The following STK32B variants were observed in gnomAD, a reference collection of about 807,000 sequenced individuals.
STK32B encodes serine/threonine kinase 32B, also known as serine/threonine-protein kinase 32B.
Under a neutral mutation model 52.6 loss-of-function variants are expected in STK32B, and 43 were observed. The ratio of observed to expected loss-of-function variants is 0.82; its 90% CI spans 0.64 to 1.05. STK32B has a LOEUF of 1.05. Among genes scored for constraint, STK32B ranks in the 50% least tolerant of loss-of-function variants. The pLI is 0.00. For synonymous variants in STK32B, 238 were observed against 204.3 expected, an observed-to-expected ratio of 1.17 and a Z score of -1.41; for missense variants, 621 against 534.6, an observed-to-expected ratio of 1.16 and a Z score of -1.59.
At chr4:5,409,707 CGAAAGAGCTCAGT>C (rs2109061392) in intron 5 of STK32B, among the ~76,000 whole-genome samples, 1 of 152,188 alleles carries the variant, frequency 6.6e-6, no homozygotes, top group African/African-American at 2.4e-5. Context: ...CAAATCTCAG[CGAAAGAGCTCAGT>C]AAAGCCCAGA....
intron 3 of STK32B, among the ~76,000 whole-genome samples, chr4:5,328,863 T>C (rs1209988747): frequency 6.6e-6 from 1 of 152,138 alleles, no homozygotes; most frequent in Non-Finnish European, 1.5e-5. Flanking sequence ...CCTCTCTTTG[T>C]TGAGGGGGAG....
chr4:5,366,835 G>A (rs7673861), intron 4 of STK32B, among the ~76,000 whole-genome samples: 7,699 of 152,142 alleles, frequency 0.051, 307 homozygotes, highest in African/African-American at 0.1. Flanking sequence ...CATCCGTTGC[G>A]TACCCAGTGT....
chr4:5,039,914 CTT>C, the STK32B span, among the ~76,000 whole-genome samples: 1 of 152,236 alleles, frequency 6.6e-6, no homozygotes, highest in Admixed American at 6.5e-5. Flanking sequence ...TCTATCCTCT[CTT>C]AACAGTCCAG....
intron 5 of STK32B, among the ~76,000 whole-genome samples, chr4:5,408,012 C>G (rs969906314): frequency 6.6e-6 from 1 of 152,128 alleles, no homozygotes; most frequent in Non-Finnish European, 1.5e-5. Context: ...CACCTCTGAA[C>G]CAGGAAGCAG....
chr4:5,175,167 C>G, intron 3 of STK32B, among the ~76,000 whole-genome samples: 1 of 152,078 alleles, frequency 6.6e-6, no homozygotes. Context: ...CCTTTAAGGA[C>G]TTCTCTGCAT....
chr4:5,241,093 A>G (rs1724992477), intron 3 of STK32B, among the ~76,000 whole-genome samples: 1 of 151,782 alleles, frequency 6.6e-6, no homozygotes, highest in South Asian at 2.1e-4. Flanking sequence ...TTTTTTCTTT[A>G]TTGTGCTAAT....
chr4:5,087,238 G>T (rs1712781302), intron 1 of STK32B, among the ~76,000 whole-genome samples: 1 of 151,870 alleles, frequency 6.6e-6, no homozygotes, highest in South Asian at 2.1e-4. Flanking sequence ...ATAGAAACTG[G>T]ATTATTATAA....
At chr4:5,432,848 A>C (rs1713712952) in intron 6 of STK32B, among the ~76,000 whole-genome samples, 1 of 152,180 alleles carries the variant, frequency 6.6e-6, no homozygotes, top group South Asian at 2.1e-4. Flanking sequence ...CTTAATCAAG[A>C]TATACATAGC....
At chr4:5,483,921 G>C (rs1357632346) in intron 11 of STK32B, among the ~76,000 whole-genome samples, 1 of 152,090 alleles carries the variant, frequency 6.6e-6, no homozygotes, top group Non-Finnish European at 1.5e-5. Context: ...TTAATTCTGA[G>C]TTCTAGTTTG....
chr4:5,036,683 T>G, the STK32B span, among the ~76,000 whole-genome samples: 1 of 145,852 alleles, frequency 6.9e-6, no homozygotes, highest in Admixed American at 6.9e-5. Flanking sequence ...TTTTTTTTTT[T>G]TCGAGATGGA....
At chr4:5,047,672 C>T (rs150877292), upstream of STK32B, among the ~76,000 whole-genome samples, 1 of 152,118 alleles carries the variant, frequency 6.6e-6, no homozygotes, top group Non-Finnish European at 1.5e-5. Flanking sequence ...CCCTGCAGGG[C>T]TCCTGGATGA....
chr4:5,415,402 G>A (rs1454501358), intron 5 of STK32B, among the ~76,000 whole-genome samples: 4 of 152,164 alleles, frequency 2.6e-5, no homozygotes, highest in Non-Finnish European at 5.9e-5. Flanking sequence ...CCCAAACCAA[G>A]GCAGTCTGGC....
At chr4:5,305,948 A>G (rs1729900009) in intron 3 of STK32B, among the ~76,000 whole-genome samples, 1 of 152,078 alleles carries the variant, frequency 6.6e-6, no homozygotes, top group Non-Finnish European at 1.5e-5. Flanking sequence ...TCCCATCTTG[A>G]TTTCATTGTT....
At chr4:5,120,795 A>G (rs911816052) in intron 1 of STK32B, among the ~76,000 whole-genome samples, 83 of 152,100 alleles carry the variant, frequency 5.5e-4, no homozygotes, top group African/African-American at 1.9e-3. Context: ...ACATATGTGT[A>G]TGAAATATAT....
chr4:5,092,404 C>A (rs955396066), intron 1 of STK32B, among the ~76,000 whole-genome samples: 24 of 152,104 alleles, frequency 1.6e-4, no homozygotes, highest in Middle Eastern at 3.2e-3. Context: ...TTGTGGTGGG[C>A]ACCTGTAGTC....
the STK32B span, among the ~76,000 whole-genome samples, chr4:5,035,372 G>C: frequency 6.6e-6 from 1 of 152,300 alleles, no homozygotes; most frequent in African/African-American, 2.4e-5. Context: ...CTTAATTATA[G>C]AGCTCGACAC....
intron 3 of STK32B, among the ~76,000 whole-genome samples, chr4:5,183,417 C>T (rs561243305): frequency 6.7e-6 from 1 of 149,706 alleles, no homozygotes; most frequent in Non-Finnish European, 1.5e-5. Flanking sequence ...GCAGGGGTTG[C>T]AGTGAGCTGA....
intron 3 of STK32B, among the ~76,000 whole-genome samples, chr4:5,237,591 A>G (rs2108813256): frequency 6.6e-6 from 1 of 152,296 alleles, no homozygotes; most frequent in East Asian, 1.9e-4. Context: ...AGGATGAGGG[A>G]AATGACTTAT....
chr4:5,318,780 G>C (rs28657018), intron 3 of STK32B, among the ~76,000 whole-genome samples: 36,074 of 151,842 alleles, frequency 0.24, 7,045 homozygotes, highest in African/African-American at 0.55. Context: ...GGCAAAAGCT[G>C]TTGAGAATAA....
Sources: allele counts gnomAD v4.1 joint callset (sites outside exome capture counted in the v4.1 genomes callset), GRCh38; gene constraint gnomAD v4.1.1; transcripts MANE v1.5; gene names NCBI Gene and HGNC (gene_info 2026-07-23, HGNC 2026-07-21).